The following NUDT7 variants were observed in gnomAD, a reference collection of about 807,000 sequenced individuals.
The protein encoded by NUDT7 is peroxisomal coenzyme A diphosphatase NUDT7.
Under a neutral mutation model 13.1 loss-of-function variants are expected in NUDT7, and 19 were observed. The observed-to-expected ratio is 1.45, with a 90% confidence interval of 1.01 to 2.13. The LOEUF is 2.13. NUDT7 is among the 30% of genes most tolerant of loss of function. The pLI, the probability that NUDT7 is intolerant of heterozygous loss-of-function variation, is 0.00. For synonymous variants in NUDT7, 132 were observed against 109.7 expected, an observed-to-expected ratio of 1.20 and a Z score of -1.27; for missense variants, 360 against 291.7, an observed-to-expected ratio of 1.23 and a Z score of -1.71.
chr16:77,734,814 C>T (rs2014427924), intron 2 of NUDT7, among the ~76,000 whole-genome samples: 1 of 151,784 alleles, frequency 6.6e-6, no homozygotes. Context: ...TAGGTAAATC[C>T]ACAGAGACAG....
chr16:77,742,158 G>C lies in NUDT7; in HGVS notation c.*208G>C. The stretch of plus-strand genomic sequence containing the variant: ...AAATGAAAACTATGTTCATAGTGTT[G>C]CATATTTTCACCCACAATATGTTAA... On this transcript the variant is annotated 3_prime_UTR_variant, in exon 4 of 4. Coordinates refer to ENST00000268533, the MANE Select transcript of NUDT7 (RefSeq NM_001105663.3). 8.1e-7 allele frequency: 1 copy of C among 1,233,384 alleles called. No homozygotes were observed. Among genetic ancestry groups the C allele is most frequent in the Non-Finnish European group, 1.0e-6 (1 of 969,586 alleles). The allele number at this position is 1,233,384 out of a possible 1,614,324, so 76.4% of individuals were successfully genotyped here.
intron 1 of NUDT7, 151 bp from the exon 2 acceptor site, chr16:77,725,280 T>C (rs1389734883): frequency 1.6e-6 from 1 of 635,602 alleles, no homozygotes; most frequent in Non-Finnish European, 2.6e-6. Flanking sequence ...ATTTAGATAG[T>C]ATCATTTCTG....
intron 3 of NUDT7, 188 bp downstream of exon 3, chr16:77,736,174 G>T: frequency 1.9e-6 from 1 of 538,468 alleles, no homozygotes; most frequent in Non-Finnish European, 3.3e-6. Flanking sequence ...TGCCTCTCCG[G>T]ACCCCTCTTT....
intron 2 of NUDT7, among the ~76,000 whole-genome samples, chr16:77,730,481 C>T (rs2014286562): frequency 6.6e-6 from 1 of 152,148 alleles, no homozygotes; most frequent in Non-Finnish European, 1.5e-5. Context: ...TAATATTCCT[C>T]TCTGTATATA....
At chr16:77,724,389 G>A (rs553235006) in intron 1 of NUDT7, among the ~76,000 whole-genome samples, 8 of 152,000 alleles carry the variant, frequency 5.3e-5, no homozygotes, top group Non-Finnish European at 1.2e-4. Flanking sequence ...CGCCTTCCAA[G>A]TAGCTGGGAA....
rs754036169 is a variant in NUDT7 at position 77,741,874 on chromosome 16, T to G, written c.641T>G (p.Phe214Cys). The G allele has an allele frequency of 3.1e-6, 5 of 1,613,992 alleles. No individual in the cohort carries two copies. In the Admixed American group the frequency reaches 5.0e-5, roughly 16 times the overall value. The change falls in exon 4 of 4, where the codon TTT becomes TGT. Residue 214 changes from phenylalanine to cysteine, a missense_variant. Transcript: ENST00000268533. ...LEKKPTFEVQFNLNDVLASSE... is the reference protein window; with the variant it reads ...LEKKPTFEVQCNLNDVLASSE... Reference sequence around the variant, plus strand: ...AAAAAACCCACCTTTGAGGTTCAATTTAATCTTAATGATGTATTAGCATCC... The same window carrying G: ...AAAAAACCCACCTTTGAGGTTCAATGTAATCTTAATGATGTATTAGCATCC...
At chr16:77,731,643 T>C (rs904952385) in intron 2 of NUDT7, among the ~76,000 whole-genome samples, 1 of 152,198 alleles carries the variant, frequency 6.6e-6, no homozygotes, top group Non-Finnish European at 1.5e-5. Flanking sequence ...ACTTATTTTT[T>C]AAAAATAACT....
At position 77,736,666 on chromosome 16, in the gene NUDT7, A is replaced by G. The variant is rs868256752; in HGVS notation, c.348+680A>G. 10 of 282,498 alleles carry G rather than the reference A, an allele frequency of 3.5e-5. No individual in the cohort carries two copies. The Middle Eastern group carries it at 5.2e-3, about 146-fold the overall frequency. 17.5% of individuals were successfully genotyped at this position (282,498 alleles called of 1,614,324 possible). On this transcript the variant is annotated intron_variant, in intron 3 of 3. Transcript: ENST00000268533. ...TTTTTATAGAGATGGGGGTCTCGCT[A>G]TGTTGATGAGGCTGGTCTCGAGCTC...
chr16:77,737,717 C>T (rs1408062237), intron 3 of NUDT7, among the ~76,000 whole-genome samples: 1 of 152,084 alleles, frequency 6.6e-6, no homozygotes, highest in African/African-American at 2.4e-5. Flanking sequence ...GATCTCCTGA[C>T]CTCATGATCC....
rs71984117 is a variant in NUDT7 at position 77,730,927 on chromosome 16, A to AT, written c.190-4892dup. Among the ~76,000 whole-genome samples the AT allele has an allele frequency of 2.7e-5, 4 of 150,916 alleles. No homozygotes were observed. The South Asian group carries it at 8.4e-4, about 32-fold the overall frequency. ...ATTTAGTTCCTTTGTCCATTTTTAA[A>AT]TTTTTTTTTATTATTGATATTGAGT... On this transcript the variant is annotated intron_variant, in intron 2 of 3. Transcript: ENST00000268533.
In NUDT7 at chr16:77,725,559, T is replaced by A. The variant is rs775662498; in HGVS notation, c.164T>A (p.Leu55Ter). The A allele has an allele frequency of 6.2e-7, 1 of 1,614,156 alleles. No homozygotes were observed. Among genetic ancestry groups the A allele is most frequent in the East Asian group, 2.2e-5 (1 of 44,878 alleles). ...GTGGCTAAAGAAGGAAAACTCCATTTGTTGTTCACCGTCCGGTCAGAGAAG... is the reference window on the plus strand; with the variant it reads ...GTGGCTAAAGAAGGAAAACTCCATTAGTTGTTCACCGTCCGGTCAGAGAAG... ...PLVAKEGKLHLLFTVRSEKLR... is the reference protein window; with the variant it reads ...PLVAKEGKLH Residue 55 changes from leucine (L) to a stop codon, truncating the protein, a stop_gained, in exon 2 of 4, where the codon TTG becomes TAG. Transcript: ENST00000268533. LOFTEE classifies it high-confidence loss of function.
At chr16:77,724,866 C>T (rs969012161) in intron 1 of NUDT7, among the ~76,000 whole-genome samples, 2 of 152,324 alleles carry the variant, frequency 1.3e-5, no homozygotes, top group East Asian at 1.9e-4. Context: ...GCGTCAGTAA[C>T]GCTGTCATGA....
chr16:77,727,558 A>T (rs1211966656), intron 2 of NUDT7, among the ~76,000 whole-genome samples: 8 of 152,204 alleles, frequency 5.3e-5, no homozygotes, highest in South Asian at 2.1e-4. Flanking sequence ...TATATTTTTT[A>T]AAATTATCAG....
chr16:77,736,634 A>ATTT, intron 3 of NUDT7: 9 of 215,754 alleles, frequency 4.2e-5, no homozygotes, highest in South Asian at 1.6e-4. Flanking sequence ...TTTCTTTTTT[A>ATTT]TTTTTTTTTT....
chr16:77,727,035 C>T (rs553440772), intron 2 of NUDT7, among the ~76,000 whole-genome samples: 1 of 152,118 alleles, frequency 6.6e-6, no homozygotes, highest in Non-Finnish European at 1.5e-5. Flanking sequence ...AACTCACTCA[C>T]TATCATGGGG....
At chr16:77,722,745 A>G (rs2013998741) in intron 1 of NUDT7, 128 bp downstream of exon 1, 1 of 840,764 alleles carries the variant, frequency 1.2e-6, no homozygotes, top group Non-Finnish European at 1.9e-6. Context: ...CGAGCGCCGG[A>G]TGGGGGAGCA....
chr16:77,741,671 G>A lies in NUDT7; in HGVS notation c.438G>A (p.Leu146=). ...PNPAEVKDVF[L]VPLAYFLHPQ... ...CTGCTGAAGTTAAGGATGTATTCCT[G>A]GTGCCTCTGGCCTATTTCCTGCATC... The change falls in exon 4 of 4, where the codon CTG becomes CTA. Residue 146 remains leucine (L), a synonymous_variant. Coordinates refer to ENST00000268533, the MANE Select transcript of NUDT7 (RefSeq NM_001105663.3). 2 of 1,614,032 alleles carry A rather than the reference G, an allele frequency of 1.2e-6. No homozygotes were observed. The highest frequency in any genetic ancestry group is 2.7e-5 in the African/African-American group (2 of 75,008).
chr16:77,736,194 G>A (rs752309047), intron 3 of NUDT7: 200 of 500,986 alleles, frequency 4.0e-4, no homozygotes, highest in Non-Finnish European at 6.2e-4. Flanking sequence ...TCCCCATCCA[G>A]AAATAAAAGG....
intron 2 of NUDT7, among the ~76,000 whole-genome samples, chr16:77,732,075 C>T (rs2014335069): frequency 6.6e-6 from 1 of 151,526 alleles, no homozygotes; most frequent in South Asian, 2.1e-4. Context: ...ACCTGTAATC[C>T]CAGCACTTTG....
Sources: allele counts gnomAD v4.1 joint callset (sites outside exome capture counted in the v4.1 genomes callset), GRCh38; gene constraint gnomAD v4.1.1; transcripts MANE v1.5; gene names NCBI Gene and HGNC (gene_info 2026-07-23, HGNC 2026-07-21).